Variants in CLINT1 observed in about 807,000 individuals in gnomAD.
CLINT1 encodes the protein clathrin interacting protein localized in the trans-Golgi region.
Under a neutral mutation model 70.4 loss-of-function variants are expected in CLINT1, and 15 were observed. That is an observed-to-expected ratio of 0.21 (90% CI 0.14 to 0.33). The LOEUF (loss-of-function observed/expected upper bound fraction) is 0.33, where lower values mean the gene tolerates loss of function less well. Ranked by LOEUF, CLINT1 falls within the 10% of genes least tolerant of loss-of-function variation. CLINT1 has a pLI of 1.00. For missense variants in CLINT1, 615 were observed against 778.1 expected, an observed-to-expected ratio of 0.79 and a Z score of 2.49; for synonymous variants, 227 against 254.7, an observed-to-expected ratio of 0.89 and a Z score of 1.04.
Position 157,787,878 on chromosome 5 carries a change from A to C in CLINT1, c.1646T>G (p.Met549Arg). ...PQTNALIGGPMPMSMPNVMTG... is the reference protein window; with the variant it reads ...PQTNALIGGPRPMSMPNVMTG... ...CATCACATTGGGCATGCTCATAGGC[A>C]TGGGTCCCCCTATCAAAGCATTAGT... The change falls in exon 12 of 12, where the codon ATG (methionine) becomes AGG (arginine). Residue 549 changes from methionine to arginine, a missense_variant. Coordinates refer to ENST00000411809, the MANE Select transcript of CLINT1 (RefSeq NM_014666.4). 1 of 1,613,926 alleles carries C rather than the reference A, an allele frequency of 6.2e-7. No homozygotes were observed. The highest frequency in any genetic ancestry group is 8.5e-7 in the Non-Finnish European group (1 of 1,179,848).
chr5:157,813,345 A>C (rs1334053499), intron 4 of CLINT1, 118 bp from the exon 5 acceptor site: 1 of 970,494 alleles, frequency 1.0e-6, no homozygotes, highest in Non-Finnish European at 1.5e-6. Flanking sequence ...TATTTAAAAA[A>C]CAATAGAAAG....
intron 1 of CLINT1, among the ~76,000 whole-genome samples, chr5:157,832,611 T>C (rs1379861893): frequency 1.3e-5 from 2 of 152,240 alleles, no homozygotes; most frequent in Non-Finnish European, 2.9e-5. Flanking sequence ...ATCTTCTACA[T>C]GACCACATTA....
At chr5:157,805,729 T>C (rs545235230) in intron 7 of CLINT1, 137 bp downstream of exon 7, 14 of 1,051,042 alleles carry the variant, frequency 1.3e-5, no homozygotes, top group Middle Eastern at 2.5e-4. Context: ...ATTATTAATG[T>C]CTCTTGGTAA....
intron 1 of CLINT1, among the ~76,000 whole-genome samples, chr5:157,830,757 CCTCTCTCT>C (rs373819711): frequency 0.015 from 1,297 of 87,380 alleles, 39 homozygotes; most frequent in African/African-American, 0.053. Context: ...CCTCTCTCTC[CCTCTCTCT>C]CTCTCTCTCT....
At chr5:157,823,710 T>C in intron 1 of CLINT1, 3 of 686,120 alleles carry the variant, frequency 4.4e-6, no homozygotes, top group Non-Finnish European at 5.4e-6. Flanking sequence ...TAAGTATAAA[T>C]CTTCTTAATA....
Position 157,809,670 on chromosome 5 carries a change from T to G in CLINT1, c.653A>C (p.Lys218Thr). The G allele has an allele frequency of 6.2e-7, 1 of 1,613,108 alleles. No homozygotes were observed. The highest frequency in any genetic ancestry group is 1.1e-5 in the South Asian group (1 of 90,918). The change falls in exon 6 of 12, where the codon AAG (lysine) becomes ACG (threonine). Residue 218 changes from lysine (K) to threonine (T), a missense_variant. Lys to Thr is a moderately conservative substitution (Grantham distance 78). This residue lies in a region of CLINT1 where 241 missense variants were observed against 368.6 expected (regional missense o/e 0.65). Transcript: ENST00000411809. ...IGSTIDDTIS[K>T]FRRKDREDSP... ...GTCTTCTCTATCTTTCCTCCGGAAC[T>G]TGCTGATGGTGTCATCAATTGTGCT...
At position 157,814,223 on chromosome 5, in the gene CLINT1, A is replaced by C; in HGVS notation, c.314T>G (p.Ile105Ser). 6.2e-7 allele frequency: 1 copy of C among 1,610,552 alleles called. No homozygotes were observed. ...ATTTTCCAGGGATCGTAAATCATAA[A>C]TGTGTTCTCTGGCACTTGTAACAAC... ...ERVVTSAREHIYDLRSLENYH... is the reference protein window; with the variant it reads ...ERVVTSAREHSYDLRSLENYH... Residue 105 changes from isoleucine (I) to serine (S), a missense_variant, in exon 4 of 12, where the codon ATT becomes AGT. This residue lies in a region of CLINT1 where 241 missense variants were observed against 368.6 expected (regional missense o/e 0.65). Transcript: ENST00000411809.
chr5:157,819,755 T>C (rs1581508347), intron 1 of CLINT1, among the ~76,000 whole-genome samples: 1 of 152,332 alleles, frequency 6.6e-6, no homozygotes, highest in East Asian at 1.9e-4. Flanking sequence ...TTGAAATCTC[T>C]TTGCATTGTT....
chr5:157,813,653 T>A (rs1581500614), intron 4 of CLINT1, among the ~76,000 whole-genome samples: 1 of 152,242 alleles, frequency 6.6e-6, no homozygotes, highest in East Asian at 1.9e-4. Context: ...GTTTCCCCAG[T>A]ACACGTCTGG....
intron 1 of CLINT1, among the ~76,000 whole-genome samples, chr5:157,837,366 C>A (rs1390811854): frequency 6.6e-6 from 1 of 151,868 alleles, no homozygotes; most frequent in African/African-American, 2.4e-5. Context: ...CAGAGTGAGA[C>A]CCTGTCCAAA....
chr5:157,796,247 T>A (rs780515015), intron 8 of CLINT1: 2 of 152,228 alleles, frequency 1.3e-5, no homozygotes, highest in Non-Finnish European at 2.9e-5. Context: ...ATTATAAGTC[T>A]GCAAATCAAT....
intron 9 of CLINT1, among the ~76,000 whole-genome samples, chr5:157,792,344 G>A (rs1390758322): frequency 1.3e-5 from 2 of 152,064 alleles, no homozygotes; most frequent in Non-Finnish European, 2.9e-5. Flanking sequence ...TCAGGAGATT[G>A]AGACCATCCT....
At chr5:157,803,833 G>A in intron 7 of CLINT1, 114 bp from the exon 8 acceptor site, 1 of 632,002 alleles carries the variant, frequency 1.6e-6, no homozygotes, top group South Asian at 5.4e-5. Flanking sequence ...GCTTAATAAG[G>A]GTAGGGTTTT....
At chr5:157,828,399 G>A (rs903520589) in intron 1 of CLINT1, among the ~76,000 whole-genome samples, 14 of 152,148 alleles carry the variant, frequency 9.2e-5, no homozygotes, top group African/African-American at 3.4e-4. Flanking sequence ...AGCAGGCAGA[G>A]GCAGTCACCA....
chr5:157,858,280 CAG>C (rs916734966), intron 1 of CLINT1, among the ~76,000 whole-genome samples: 1 of 151,984 alleles, frequency 6.6e-6, no homozygotes, highest in Non-Finnish European at 1.5e-5. Flanking sequence ...GAAAAAGAAA[CAG>C]AAGAAAAAAT....
intron 3 of CLINT1, 83 bp downstream of exon 3, chr5:157,816,651 A>C: frequency 2.3e-6 from 2 of 855,980 alleles, no homozygotes; most frequent in Non-Finnish European, 3.7e-6. Context: ...AATATACTTC[A>C]AAATCACCTA....
At chr5:157,811,719 C>T (rs1301389801) in intron 5 of CLINT1, among the ~76,000 whole-genome samples, 1 of 152,074 alleles carries the variant, frequency 6.6e-6, no homozygotes, top group Non-Finnish European at 1.5e-5. Context: ...AAAACGTATT[C>T]AATTTTCTAA....
intron 1 of CLINT1, among the ~76,000 whole-genome samples, chr5:157,843,415 CA>C (rs942687339): frequency 3.7e-4 from 57 of 152,232 alleles, no homozygotes; most frequent in African/African-American, 1.4e-3. Context: ...GTGGGTGTCC[CA>C]AAAGAATAAG....
At chr5:157,818,864 A>G (rs950246620) in intron 1 of CLINT1, among the ~76,000 whole-genome samples, 1 of 152,214 alleles carries the variant, frequency 6.6e-6, no homozygotes, top group Non-Finnish European at 1.5e-5. Flanking sequence ...GTGACATCCT[A>G]TAGTAGTATT....
Sources: allele counts gnomAD v4.1 joint callset (sites outside exome capture counted in the v4.1 genomes callset), GRCh38; gene constraint gnomAD v4.1.1; regional missense constraint gnomAD v4.1.1; transcripts MANE v1.5; gene names NCBI Gene and HGNC (gene_info 2026-07-23, HGNC 2026-07-21).